The following RECK variants were observed in gnomAD, a reference collection of about 807,000 sequenced individuals.
The protein encoded by RECK is reversion inducing cysteine rich protein with kazal motifs.
In RECK, 69 loss-of-function variants were observed where a neutral mutation model predicts 115.1. The ratio of observed to expected loss-of-function variants is 0.60; its 90% CI spans 0.49 to 0.73. The LOEUF is 0.73. Ranked by LOEUF, RECK falls within the 30% of genes least tolerant of loss-of-function variation. The pLI, the probability that RECK is intolerant of heterozygous loss-of-function variation, is 0.00. For missense variants in RECK, 1,047 were observed against 1,203.7 expected (o/e 0.87, Z 1.93); for synonymous variants, 414 against 419.7 (o/e 0.99, Z 0.17).
intron 20 of RECK, among the ~76,000 whole-genome samples, chr9:36,122,265 A>G (rs1487203715): frequency 6.6e-6 from 1 of 152,192 alleles, no homozygotes; most frequent in South Asian, 2.1e-4. Flanking sequence ...TCTGTGAATC[A>G]CTAGGAAGTT....
intron 1 of RECK, among the ~76,000 whole-genome samples, chr9:36,051,729 T>C (rs1348548005): frequency 6.6e-6 from 1 of 152,198 alleles, no homozygotes; most frequent in Non-Finnish European, 1.5e-5. Flanking sequence ...ATATCATTCA[T>C]TTCCATATAC....
In RECK at chr9:36,056,924, G is replaced by C. The variant is rs1326552789; in HGVS notation, c.160-1903G>C. 3 of 966,778 alleles carry C rather than the reference G, an allele frequency of 3.1e-6. No homozygotes were observed. In the African/African-American group the frequency reaches 5.3e-5, roughly 17 times the overall value. The allele number at this position is 966,778 out of a possible 1,614,324, so 59.9% of individuals were successfully genotyped here. Reference sequence around the variant, plus strand: ...CTTAATTGTAGTTGGTAGTTTTGGAGGAAAATGGCTAATAAATAAGCTAAC... The same window carrying C: ...CTTAATTGTAGTTGGTAGTTTTGGACGAAAATGGCTAATAAATAAGCTAAC... On this transcript the variant is annotated intron_variant, in intron 2 of 20. Transcript: ENST00000377966.
At chr9:36,067,347 T>C (rs1017251418) in intron 6 of RECK, among the ~76,000 whole-genome samples, 1 of 152,174 alleles carries the variant, frequency 6.6e-6, no homozygotes, top group African/African-American at 2.4e-5. Context: ...GCCATTTCTA[T>C]AGGCTTGCAA....
At chr9:36,106,675 T>C (rs2132659624) in intron 13 of RECK, among the ~76,000 whole-genome samples, 1 of 152,340 alleles carries the variant, frequency 6.6e-6, no homozygotes, top group East Asian at 1.9e-4. Flanking sequence ...AATGTCGGAC[T>C]GTTTTAAATT....
chr9:36,101,348 CATAGTA>C (rs2132651625), intron 11 of RECK, among the ~76,000 whole-genome samples: 1 of 152,358 alleles, frequency 6.6e-6, no homozygotes, highest in South Asian at 2.1e-4. Flanking sequence ...GCATTTAACA[CATAGTA>C]ATCTGCCCAT....
At position 36,107,655 on chromosome 9, in the gene RECK, A is replaced by G. The variant is rs543596267; in HGVS notation, c.1577-321A>G. On this transcript the variant is annotated intron_variant, in intron 13 of 20. Coordinates refer to ENST00000377966, the MANE Select transcript of RECK (RefSeq NM_021111.3). Reference sequence around the variant, plus strand: ...TAGTTTCCCTATTCTATTTTTTAAAATATCTGTGATTTTAAAATATTTTTT... The same window carrying G: ...TAGTTTCCCTATTCTATTTTTTAAAGTATCTGTGATTTTAAAATATTTTTT... Among the ~76,000 whole-genome samples the G allele has an allele frequency of 5.0e-4, 76 of 152,250 alleles. 1 individual carries two copies. The Middle Eastern group carries it at 0.01, about 20-fold the overall frequency.
intron 11 of RECK, among the ~76,000 whole-genome samples, chr9:36,101,879 C>T (rs1432045215): frequency 2.6e-5 from 4 of 152,138 alleles, no homozygotes; most frequent in Non-Finnish European, 5.9e-5. Flanking sequence ...AAGAAGTGTA[C>T]AATTTGAGTA....
chr9:36,037,215 G>A (rs956343059), intron 1 of RECK, 117 bp downstream of exon 1: 14 of 595,468 alleles, frequency 2.4e-5, no homozygotes, highest in Non-Finnish European at 3.4e-5. Context: ...GCCCACGTCC[G>A]GCGACCCCGG....
chr9:36,110,635 C>T (rs1371939012), intron 15 of RECK, among the ~76,000 whole-genome samples: 1 of 152,208 alleles, frequency 6.6e-6, no homozygotes, highest in Non-Finnish European at 1.5e-5. Flanking sequence ...CCAATAGCAA[C>T]AGCACAGTCT....
intron 9 of RECK, among the ~76,000 whole-genome samples, chr9:36,089,048 A>G (rs1361232545): frequency 2.0e-5 from 3 of 152,212 alleles, no homozygotes; most frequent in Non-Finnish European, 4.4e-5. Context: ...TTAATTAAAG[A>G]CATGAAAAAG....
intron 1 of RECK, among the ~76,000 whole-genome samples, chr9:36,039,238 G>T (rs1277034573): frequency 6.6e-6 from 1 of 152,102 alleles, no homozygotes; most frequent in Non-Finnish European, 1.5e-5. Flanking sequence ...AGCATGTATT[G>T]CCTGGTTCCT....
In RECK at chr9:36,094,260, C is replaced by T. The variant is rs1159167584; in HGVS notation, c.1085+2917C>T. 6.6e-6 allele frequency among the ~76,000 whole-genome samples: 1 copy of T among 150,866 alleles called. No homozygotes were observed. Among genetic ancestry groups the T allele is most frequent in the Non-Finnish European group, 1.5e-5 (1 of 67,664 alleles). ...TAATTGGTTAAAGCAAAAATAATAACAATGTATTGTGGAATTTATACATAG... is the reference window on the plus strand; with the variant it reads ...TAATTGGTTAAAGCAAAAATAATAATAATGTATTGTGGAATTTATACATAG... On this transcript the variant is annotated intron_variant, in intron 10 of 20. Coordinates refer to ENST00000377966, the MANE Select transcript of RECK (RefSeq NM_021111.3). This position sits in a 1 kb window ranked among gnomAD's most constrained non-coding sequence, Gnocchi z 4.1.
chr9:36,100,786 G>C (rs972700106), intron 11 of RECK, among the ~76,000 whole-genome samples: 1 of 152,044 alleles, frequency 6.6e-6, no homozygotes, highest in Non-Finnish European at 1.5e-5. Flanking sequence ...GATTTCTCCA[G>C]CTGAAAGTAA....
intron 1 of RECK, among the ~76,000 whole-genome samples, chr9:36,039,613 T>A (rs1820799924): frequency 6.6e-6 from 1 of 152,210 alleles, no homozygotes; most frequent in Non-Finnish European, 1.5e-5. Context: ...AGTATCAGCA[T>A]CGTGTGTCAT....
chr9:36,087,624 A>T (rs565286325), intron 8 of RECK, 70 bp from the exon 9 acceptor site: 1 of 1,506,146 alleles, frequency 6.6e-7, no homozygotes, highest in South Asian at 1.3e-5. Context: ...CATGTATCCC[A>T]GAACTTAAAG....
chr9:36,073,534 T>C (rs537256477), intron 6 of RECK, among the ~76,000 whole-genome samples: 200 of 152,332 alleles, frequency 1.3e-3, no homozygotes, highest in Middle Eastern at 3.4e-3. Context: ...ATACCTATAA[T>C]AGCTGCCAAA....
At position 36,112,328 on chromosome 9, in the gene RECK, C is replaced by G; in HGVS notation, c.1912C>G (p.Gln638Glu). The change falls in exon 16 of 21, where the codon CAG becomes GAG. Residue 638 changes from glutamine to glutamate, a missense_variant. Physicochemically the swap from Gln to Glu is conservative, Grantham distance 29. Transcript: ENST00000377966. ...AGGTCTGCCCTGTAACTGTGCAGAT[C>G]AGTTTGTCCCTGTATGTGGGCAGAA... is the stretch of plus-strand genomic sequence containing the variant. Reference protein sequence around the residue: ...FTGLPCNCADQFVPVCGQNGR... With the variant: ...FTGLPCNCADEFVPVCGQNGR... 6.2e-7 allele frequency: 1 copy of G among 1,613,364 alleles called. No individual in the cohort carries two copies. Among genetic ancestry groups the G allele is most frequent in the South Asian group, 1.1e-5 (1 of 91,020 alleles).
rs1823149025 is a variant in RECK, at chr9:36,091,352, AATT to A, written c.1085+15_1085+17del. The stretch of plus-strand genomic sequence containing the variant: ...ACTAATTTTAACAACAGGTAAGACA[AATT>A]ATTATACATGGAATGGAAATATTTT... On this transcript the variant is annotated intron_variant, in intron 10 of 20. Transcript: ENST00000377966. 3.4e-6 allele frequency: 5 copies of A among 1,456,006 alleles called. No individual in the cohort carries two copies. The highest frequency in any genetic ancestry group is 4.6e-6 in the Non-Finnish European group (5 of 1,095,954). The allele number at this position is 1,456,006 out of a possible 1,614,324, so 90.2% of individuals were successfully genotyped here. A position where few individuals can be genotyped will look rare whatever the true frequency, so the allele number is the denominator to read the frequency against.
chr9:36,041,218 G>A (rs962731625), intron 1 of RECK, among the ~76,000 whole-genome samples: 1 of 152,106 alleles, frequency 6.6e-6, no homozygotes, highest in African/African-American at 2.4e-5. Flanking sequence ...TAAATCTGAA[G>A]AATATATTTG....
Sources: gnomAD v4.1 joint callset for allele counts (sites outside exome capture counted in the v4.1 genomes callset) on GRCh38, gnomAD v4.1.1 for gene constraint, Gnocchi (gnomAD v3.1) non-coding constraint, MANE v1.5 for transcripts, NCBI Gene and HGNC (gene_info 2026-07-23, HGNC 2026-07-21) for gene names.